The following ABCC8 variants were observed in gnomAD, a reference collection of about 807,000 sequenced individuals.
The protein encoded by ABCC8 is ATP-binding cassette sub-family C member 8.
ABCC8 carries 137 observed loss-of-function variants against 188.0 expected under a neutral mutation model. The ratio of observed to expected loss-of-function variants is 0.73; its 90% CI spans 0.63 to 0.84. The LOEUF is 0.84. Ranked by LOEUF, ABCC8 falls within the 40% of genes least tolerant of loss-of-function variation. The probability of loss-of-function intolerance (pLI) is 0.00; values close to 1 mark genes in which losing one functional copy is unlikely to be tolerated. For missense variants in ABCC8, 1,750 were observed against 2,072.7 expected, an observed-to-expected ratio of 0.84 and a Z score of 3.02; for synonymous variants, 797 against 846.5, an observed-to-expected ratio of 0.94 and a Z score of 1.01.
chr11:17,462,425 G>T (rs1410275672), intron 4 of ABCC8, among the ~76,000 whole-genome samples: 1 of 152,194 alleles, frequency 6.6e-6, no homozygotes, highest in African/African-American at 2.4e-5. Context: ...CTGCTGGTTG[G>T]AAGGCAGGGA....
At chr11:17,423,485 A>T (rs551413315) in intron 16 of ABCC8, among the ~76,000 whole-genome samples, 2 of 152,040 alleles carry the variant, frequency 1.3e-5, no homozygotes, top group East Asian at 3.9e-4. Context: ...TGGACGCTGG[A>T]GAATGAGTTG....
In ABCC8 at chr11:17,427,576, A is replaced by G. The variant is rs1021453204; in HGVS notation, c.2116+291T>C. Among the ~76,000 whole-genome samples the G allele has an allele frequency of 1.3e-5, 2 of 151,886 alleles. No homozygotes were observed. The highest frequency in any genetic ancestry group is 2.9e-5 in the Non-Finnish European group (2 of 67,958). On this transcript the variant is annotated intron_variant, in intron 15 of 38. Coordinates refer to ENST00000389817, the MANE Select transcript of ABCC8 (RefSeq NM_000352.6). This position sits in a 1 kb window ranked among gnomAD's most constrained non-coding sequence, Gnocchi z 5.0. ...CATTCTCAGAAACCCCATCACTTCC[A>G]CTTGCGTTCCTTGGCTACCCACTTC...
chr11:17,420,752 C>T (rs11024282), intron 16 of ABCC8, among the ~76,000 whole-genome samples: 5 of 152,140 alleles, frequency 3.3e-5, no homozygotes, highest in African/African-American at 4.8e-5. Flanking sequence ...TTCCTGCTGA[C>T]CCCCCGGGGG....
chr11:17,428,207 A>T (rs909235940), intron 14 of ABCC8, 82 bp downstream of exon 14: 28 of 1,600,348 alleles, frequency 1.7e-5, no homozygotes, highest in Middle Eastern at 1.6e-4. Flanking sequence ...AGGACTAAGC[A>T]TGCAGCTTTC....
At chr11:17,436,414 G>T (rs975821094) in intron 10 of ABCC8, among the ~76,000 whole-genome samples, 1 of 151,986 alleles carries the variant, frequency 6.6e-6, no homozygotes, top group Non-Finnish European at 1.5e-5. Flanking sequence ...CTGAGGCCTC[G>T]CCCTCATTTT....
At chr11:17,450,258 T>C (rs1276832413) in intron 7 of ABCC8, among the ~76,000 whole-genome samples, 1 of 57,942 alleles carries the variant, frequency 1.7e-5, no homozygotes, top group East Asian at 3.4e-4. Context: ...CTTTCTTTCT[T>C]TCTCTTTCTT....
chr11:17,415,764 A>G (rs1347958886), intron 17 of ABCC8, among the ~76,000 whole-genome samples: 3 of 152,216 alleles, frequency 2.0e-5, no homozygotes, highest in African/African-American at 7.2e-5. Flanking sequence ...GGACAGAGCC[A>G]GGCCAGGCCA....
intron 8 of ABCC8, chr11:17,444,443 C>T (rs1956444384): frequency 6.6e-6 from 1 of 152,224 alleles, no homozygotes; most frequent in Non-Finnish European, 1.5e-5. Context: ...AGCTCACTAA[C>T]AGGGCACCTT....
intron 8 of ABCC8, among the ~76,000 whole-genome samples, chr11:17,444,107 G>A (rs940931523): frequency 9.9e-5 from 15 of 152,102 alleles, no homozygotes; most frequent in Non-Finnish European, 1.6e-4. Flanking sequence ...TTCCAGCACC[G>A]CCTCAAGGAT....
intron 6 of ABCC8, among the ~76,000 whole-genome samples, chr11:17,454,535 C>T (rs970154202): frequency 1.5e-4 from 23 of 151,994 alleles, no homozygotes; most frequent in Middle Eastern, 3.4e-3. Flanking sequence ...GGGAGGAGGT[C>T]GAAGGTAGAA....
Position 17,393,808 on chromosome 11 carries a change from G to A in ABCC8, c.4546-49C>T, listed in dbSNP as rs757802709. On this transcript the variant is annotated intron_variant, in intron 37 of 38. Transcript: ENST00000389817. ...TTGGCTCACCTGCCCAGTGGATGGG[G>A]TCTGGCCTGGCTTGGGGGATGTGGA... 19 of 1,614,020 alleles carry A rather than the reference G, an allele frequency of 1.2e-5. No individual in the cohort carries two copies. The African/African-American group carries it at 2.5e-4, about 22-fold the overall frequency.
intron 10 of ABCC8, chr11:17,435,901 C>T: frequency 1.5e-6 from 2 of 1,365,112 alleles, no homozygotes; most frequent in Non-Finnish European, 2.1e-6. Context: ...CTCAAAGTTC[C>T]CAGGGAGTAA....
At chr11:17,428,159 C>T in intron 14 of ABCC8, 130 bp downstream of exon 14, 5 of 1,557,436 alleles carry the variant, frequency 3.2e-6, no homozygotes, top group Middle Eastern at 1.7e-4. Context: ...TTTCTGGACT[C>T]CTATGGACCG....
intron 16 of ABCC8, among the ~76,000 whole-genome samples, chr11:17,423,422 C>T (rs1158804247): frequency 2.0e-5 from 3 of 146,822 alleles, no homozygotes; most frequent in Non-Finnish European, 3.0e-5. Flanking sequence ...CTGTTGCTGT[C>T]ACAGGGTCTA....
chr11:17,435,641 G>GT, intron 10 of ABCC8: 1 of 1,400,734 alleles, frequency 7.1e-7, no homozygotes, highest in Non-Finnish European at 1.0e-6. Context: ...GTAATAATGT[G>GT]TAGGAAGATG....
intron 21 of ABCC8, among the ~76,000 whole-genome samples, chr11:17,411,197 G>A (rs939776995): frequency 1.3e-5 from 2 of 152,096 alleles, no homozygotes; most frequent in African/African-American, 2.4e-5. Flanking sequence ...CCCTATTCCC[G>A]TGACACTGGC....
At chr11:17,460,392 G>T in intron 6 of ABCC8, 96 bp downstream of exon 6, 1 of 1,571,524 alleles carries the variant, frequency 6.4e-7, no homozygotes, top group Non-Finnish European at 8.7e-7. Context: ...AGCCACTCCA[G>T]TGTGGCCATG....
At position 17,408,583 on chromosome 11, in the gene ABCC8, A is replaced by G. The variant is rs1431376261; in HGVS notation, c.2695-66T>C. On this transcript the variant is annotated intron_variant, in intron 22 of 38. Transcript: ENST00000389817. ...GGAGGAATGGTGGTCACATCCCTCAATTGTGGAGTCTAAGATGGAGGTTGA... is the reference window on the plus strand; with the variant it reads ...GGAGGAATGGTGGTCACATCCCTCAGTTGTGGAGTCTAAGATGGAGGTTGA... 3.2e-6 allele frequency: 5 copies of G among 1,570,090 alleles called. No homozygotes were observed. The African/African-American group carries it at 4.0e-5, about 13-fold the overall frequency.
chr11:17,428,792 C>A, intron 12 of ABCC8, 122 bp from the exon 13 acceptor site: 2 of 1,529,452 alleles, frequency 1.3e-6, no homozygotes, highest in East Asian at 2.4e-5. Context: ...CCACAAAGCC[C>A]ACACTGAAGG....
Sources: gnomAD v4.1 joint callset for allele counts (sites outside exome capture counted in the v4.1 genomes callset) on GRCh38, gnomAD v4.1.1 for gene constraint, Gnocchi (gnomAD v3.1) non-coding constraint, MANE v1.5 for transcripts, NCBI Gene and HGNC (gene_info 2026-07-23, HGNC 2026-07-21) for gene names.